The following RB1 variants were observed in gnomAD, a reference collection of about 807,000 sequenced individuals.
RB1 encodes the protein RB transcriptional corepressor 1.
RB1 carries 18 observed loss-of-function variants against 135.4 expected under a neutral mutation model. The ratio of observed to expected loss-of-function variants is 0.13; its 90% CI spans 0.09 to 0.20. The LOEUF (loss-of-function observed/expected upper bound fraction) is 0.20, where lower values mean the gene tolerates loss of function less well. RB1 is among the 10% of genes least tolerant of loss of function. The pLI, the probability that RB1 is intolerant of heterozygous loss-of-function variation, is 1.00. For missense variants in RB1, 868 were observed against 1,110.0 expected (o/e 0.78, Z 3.10); for synonymous variants, 365 against 373.2 (o/e 0.98, Z 0.25).
At chr13:48,457,526 G>A (rs943684432) in intron 19 of RB1, among the ~76,000 whole-genome samples, 3 of 152,134 alleles carry the variant, frequency 2.0e-5, no homozygotes, top group African/African-American at 7.2e-5. Flanking sequence ...GACTGGCAGC[G>A]CCCACCCCCA....
rs1481602977 is a variant in RB1 at position 48,481,032 on chromosome 13, G to A, written c.*961G>A. ...TCCATAAACAGACTGTTAATTATAG[G>A]AGCCTTAATTTTTTTTTCATAGAGA... On this transcript the variant is annotated 3_prime_UTR_variant, in exon 27 of 27. Coordinates refer to ENST00000267163, the MANE Select transcript of RB1 (RefSeq NM_000321.3). 1.3e-5 allele frequency: 3 copies of A among 229,390 alleles called. No individual in the cohort carries two copies. The highest frequency in any genetic ancestry group is 2.6e-5 in the Non-Finnish European group (3 of 115,644). The allele number at this position is 229,390 out of a possible 1,614,324, so 14.2% of individuals were successfully genotyped here. A position where few individuals can be genotyped will look rare whatever the true frequency, so the allele number is the denominator to read the frequency against.
At chr13:48,316,850 G>C (rs867844582) in intron 2 of RB1, 1 of 302,108 alleles carries the variant, frequency 3.3e-6, no homozygotes, top group Non-Finnish European at 6.7e-6. Flanking sequence ...CCCACAACTC[G>C]AGGGCTTAGA....
At chr13:48,395,308 G>A (rs538505119) in intron 17 of RB1, among the ~76,000 whole-genome samples, 28 of 152,206 alleles carry the variant, frequency 1.8e-4, no homozygotes, top group African/African-American at 6.0e-4. Flanking sequence ...GCACAAAAAG[G>A]CTGAAAATTC....
intron 2 of RB1, among the ~76,000 whole-genome samples, chr13:48,321,835 G>A (rs1197990009): frequency 6.6e-6 from 1 of 152,048 alleles, no homozygotes; most frequent in Non-Finnish European, 1.5e-5. Context: ...CAGCCTGGAC[G>A]ACAGGAGTGA....
intron 22 of RB1, 23 bp downstream of exon 22, chr13:48,465,134 T>A (rs762136581): frequency 6.2e-7 from 1 of 1,613,470 alleles, no homozygotes; most frequent in South Asian, 1.1e-5. Flanking sequence ...TATCCTTTGA[T>A]TGGAAAAATC....
chr13:48,396,201 C>G (rs1447005564), intron 17 of RB1, among the ~76,000 whole-genome samples: 1 of 152,016 alleles, frequency 6.6e-6, no homozygotes, highest in Non-Finnish European at 1.5e-5. Context: ...CAATCTTAAG[C>G]AAAAAGAACA....
chr13:48,425,142 A>T (rs1000975185), intron 17 of RB1, among the ~76,000 whole-genome samples: 5 of 152,232 alleles, frequency 3.3e-5, no homozygotes, highest in African/African-American at 1.2e-4. Context: ...TAGACATGAG[A>T]ATCTACGAAT....
chr13:48,425,170 G>A (rs1221312787), intron 17 of RB1, among the ~76,000 whole-genome samples: 1 of 152,224 alleles, frequency 6.6e-6, no homozygotes, highest in African/African-American at 2.4e-5. Context: ...AGAGCTTCTT[G>A]AGGAGATGAT....
rs2138033812 is a variant in RB1 at position 48,307,282 on chromosome 13, T to C, written c.140T>C (p.Leu47Pro). 6.2e-7 allele frequency: 1 copy of C among 1,604,076 alleles called. No individual in the cohort carries two copies. The highest frequency in any genetic ancestry group is 8.5e-7 in the Non-Finnish European group (1 of 1,171,144). ...ATATGATTATTTTCATTTGGTAGGC[T>C]TGAGTTTGAAGAAACAGAAGAACCT... is the stretch of plus-strand genomic sequence containing the variant. ...SGPEDLPLVR[L>P]EFEETEEPDF... is the part of the protein sequence containing the mutation. The change falls in exon 2 of 27, where the codon CTT becomes CCT. Residue 47 changes from leucine to proline, a missense_variant and splice_region_variant. Leu to Pro is a moderately conservative substitution (Grantham distance 98). Around this residue, in one of 3 missense-constraint regions of RB1, gnomAD observed 641 missense variants for 791.3 expected, o/e 0.81. Transcript: ENST00000267163.
intron 16 of RB1, among the ~76,000 whole-genome samples, chr13:48,380,618 G>A (rs1348931822): frequency 6.6e-6 from 1 of 152,142 alleles, no homozygotes; most frequent in African/African-American, 2.4e-5. Context: ...ACTAAAGATT[G>A]AAGCTAGAAT....
chr13:48,333,136 A>C (rs1349761092), intron 2 of RB1: 1 of 397,856 alleles, frequency 2.5e-6, no homozygotes, highest in Non-Finnish European at 4.4e-6. Flanking sequence ...ATGTATCAAA[A>C]TATCACATTG....
intron 6 of RB1, among the ~76,000 whole-genome samples, chr13:48,355,407 G>A (rs1268479622): frequency 1.3e-5 from 2 of 152,050 alleles, no homozygotes; most frequent in East Asian, 3.8e-4. Context: ...ATATTCAAAA[G>A]ACAGGCAATA....
intron 2 of RB1, among the ~76,000 whole-genome samples, chr13:48,313,120 A>G (rs1026560086): frequency 6.6e-6 from 1 of 152,096 alleles, no homozygotes; most frequent in South Asian, 2.1e-4. Context: ...AATCTTCCAT[A>G]TGAATATCTT....
At chr13:48,326,228 A>T (rs891838879) in intron 2 of RB1, among the ~76,000 whole-genome samples, 2 of 152,180 alleles carry the variant, frequency 1.3e-5, no homozygotes, top group Admixed American at 1.3e-4. Context: ...AATCGAATAC[A>T]TAAGCAAACA....
At chr13:48,452,029 G>A (rs981684738) in intron 17 of RB1, among the ~76,000 whole-genome samples, 1 of 151,566 alleles carries the variant, frequency 6.6e-6, no homozygotes, top group Non-Finnish European at 1.5e-5. Flanking sequence ...CTAGCTAGTG[G>A]TCTATTTTAT....
intron 12 of RB1, among the ~76,000 whole-genome samples, chr13:48,376,389 A>G (rs1952823440): frequency 6.6e-6 from 1 of 151,728 alleles, no homozygotes; most frequent in South Asian, 2.1e-4. Flanking sequence ...AATCCCAGCT[A>G]CTTGGGATGC....
intron 20 of RB1, among the ~76,000 whole-genome samples, chr13:48,462,056 C>T (rs2138340393): frequency 6.6e-6 from 1 of 152,200 alleles, no homozygotes; most frequent in Non-Finnish European, 1.5e-5. Context: ...TGGTCTCGAA[C>T]TCCTGACCTT....
chr13:48,324,842 TG>T (rs1215248619), intron 2 of RB1, among the ~76,000 whole-genome samples: 1 of 139,426 alleles, frequency 7.2e-6, no homozygotes, highest in East Asian at 2.2e-4. Context: ...GTTGTGCTTT[TG>T]TTTTTTTTTT....
rs557779500 is a variant in RB1, at chr13:48,387,917, C to T, written c.1695+6474C>T. Among the ~76,000 whole-genome samples, 29 of 152,224 alleles carry T rather than the reference C, an allele frequency of 1.9e-4. 2 individuals carry two copies. The highest frequency in any genetic ancestry group is 7.0e-4 in the African/African-American group (29 of 41,558). On this transcript the variant is annotated intron_variant, in intron 17 of 26. Transcript: ENST00000267163. ...CTCTTCCCCACTCAGACTTGTCTTTCACTCACACAACCATGTTTGTTTTTG... is the reference window on the plus strand; with the variant it reads ...CTCTTCCCCACTCAGACTTGTCTTTTACTCACACAACCATGTTTGTTTTTG...
Sources: allele counts gnomAD v4.1 joint callset (sites outside exome capture counted in the v4.1 genomes callset), GRCh38; gene constraint gnomAD v4.1.1; regional missense constraint gnomAD v4.1.1; transcripts MANE v1.5; gene names NCBI Gene and HGNC (gene_info 2026-07-23, HGNC 2026-07-21).